The following MACROH2A2 variants were observed in gnomAD, a reference collection of about 807,000 sequenced individuals.
MACROH2A2 encodes macroH2A.2 histone.
In MACROH2A2, 6 loss-of-function variants were observed where a neutral mutation model predicts 37.6. The observed-to-expected ratio is 0.16, with a 90% CI of 0.09 to 0.32. The LOEUF (loss-of-function observed/expected upper bound fraction) is 0.32. MACROH2A2 is among the 10% of genes least tolerant of loss of function. The pLI is 1.00. For missense variants in MACROH2A2, 290 were observed against 485.9 expected (o/e 0.60, Z 3.79); for synonymous variants, 192 against 202.7 (o/e 0.95, Z 0.45).
chr10:70,108,889 T>G, intron 7 of MACROH2A2, 144 bp from the exon 8 acceptor site: 1 of 722,902 alleles, frequency 1.4e-6, no homozygotes, highest in Non-Finnish European at 2.4e-6. Context: ...TTAAACATAG[T>G]CCACATCAGG....
chr10:70,071,060 CGCGTGT>C (rs1234186193), intron 1 of MACROH2A2, among the ~76,000 whole-genome samples: 8 of 148,172 alleles, frequency 5.4e-5, no homozygotes, highest in Non-Finnish European at 8.9e-5. Context: ...TGTGTGGGCG[CGCGTGT>C]GCATGTGCAT....
intron 6 of MACROH2A2, chr10:70,098,836 G>A (rs2072291112): frequency 6.6e-6 from 1 of 152,364 alleles, no homozygotes; most frequent in African/African-American, 2.4e-5. Flanking sequence ...TTGCAAAGCT[G>A]TGGTATTCTC....
At chr10:70,078,515 C>T (rs1462956062) in intron 2 of MACROH2A2, among the ~76,000 whole-genome samples, 3 of 152,188 alleles carry the variant, frequency 2.0e-5, no homozygotes, top group African/African-American at 2.4e-5. Flanking sequence ...CGGTTCCAAT[C>T]GGGATGACTC....
chr10:70,105,024 A>AG (rs2072328300), intron 7 of MACROH2A2, among the ~76,000 whole-genome samples: 1 of 152,228 alleles, frequency 6.6e-6, no homozygotes, highest in South Asian at 2.1e-4. Flanking sequence ...AGTCAGTGAG[A>AG]GGCAGCGATG....
chr10:70,090,120 C>T lies in MACROH2A2; in HGVS notation c.233C>T (p.Pro78Leu). 6.2e-7 allele frequency: 1 copy of T among 1,613,916 alleles called. No individual in the cohort carries two copies. The highest frequency in any genetic ancestry group is 8.5e-7 in the Non-Finnish European group (1 of 1,179,788). Residue 78 changes from proline to leucine, a missense_variant, in exon 3 of 9, where the codon CCG becomes CTG. By Grantham distance (98) the Pro-to-Leu change is moderately conservative. Transcript: ENST00000373255. ...GACAACAAGAAGGCCCGGATAGCCCCGAGACACATCTTGCTGGCAGTTGCC... is the reference window on the plus strand; with the variant it reads ...GACAACAAGAAGGCCCGGATAGCCCTGAGACACATCTTGCTGGCAGTTGCC... Reference protein sequence around the residue: ...ARDNKKARIAPRHILLAVAND... With the variant: ...ARDNKKARIALRHILLAVAND...
intron 2 of MACROH2A2, among the ~76,000 whole-genome samples, chr10:70,086,368 T>C (rs114941124): frequency 4.4e-4 from 67 of 152,282 alleles, no homozygotes; most frequent in African/African-American, 1.6e-3. Flanking sequence ...TTATAGATTG[T>C]TTCAAAAGAG....
chr10:70,090,304 A>G (rs1034681510), intron 3 of MACROH2A2, 138 bp downstream of exon 3: 39 of 623,658 alleles, frequency 6.3e-5, no homozygotes, highest in Non-Finnish European at 9.9e-5. Context: ...ATATAAAAGA[A>G]CAAATTCTGC....
chr10:70,104,702 G>A (rs536994983), intron 7 of MACROH2A2, among the ~76,000 whole-genome samples: 5 of 152,198 alleles, frequency 3.3e-5, no homozygotes, highest in East Asian at 1.9e-4. Flanking sequence ...AATTTGAACC[G>A]CAAGCCAGTG....
rs913493753 is a variant in MACROH2A2 at position 70,064,702 on chromosome 10, AT to A, written c.-59-10891del. On this transcript the variant is annotated intron_variant, in intron 1 of 8. Coordinates refer to ENST00000373255, the MANE Select transcript of MACROH2A2 (RefSeq NM_018649.3). Reference sequence around the variant, plus strand: ...GGGTTTCTGCTTTTCCTTCCTCCTCATTTTTTTCTTGCTGCTGCCATGTAAG... The same window carrying A: ...GGGTTTCTGCTTTTCCTTCCTCCTCATTTTTTCTTGCTGCTGCCATGTAAG... 9.4e-4 allele frequency among the ~76,000 whole-genome samples: 142 copies of A among 151,442 alleles called. 2 individuals are homozygous for A. Among genetic ancestry groups the A allele is most frequent in the South Asian group, 1.7e-3 (8 of 4,780 alleles).
chr10:70,103,575 C>T (rs935710522), intron 7 of MACROH2A2, among the ~76,000 whole-genome samples: 1 of 152,116 alleles, frequency 6.6e-6, no homozygotes, highest in South Asian at 2.1e-4. Context: ...TTAAGGAGAT[C>T]GTAGCTGAGA....
chr10:70,072,649 C>T (rs1280010951), intron 1 of MACROH2A2, among the ~76,000 whole-genome samples: 2 of 152,112 alleles, frequency 1.3e-5, no homozygotes, highest in Admixed American at 1.3e-4. Flanking sequence ...AGGCATTGTG[C>T]TACACCGTTA....
intron 1 of MACROH2A2, among the ~76,000 whole-genome samples, chr10:70,070,739 T>G (rs2072104381): frequency 6.6e-6 from 1 of 152,166 alleles, no homozygotes; most frequent in African/African-American, 2.4e-5. Context: ...CCACCCACCT[T>G]AGCCTCCCAA....
chr10:70,069,226 T>C (rs1276744991), intron 1 of MACROH2A2, among the ~76,000 whole-genome samples: 1 of 152,206 alleles, frequency 6.6e-6, no homozygotes, highest in Non-Finnish European at 1.5e-5. Flanking sequence ...CAACAGAGTC[T>C]GAATACGCCC....
At chr10:70,066,752 G>A (rs147196213) in intron 1 of MACROH2A2, among the ~76,000 whole-genome samples, 1 of 152,090 alleles carries the variant, frequency 6.6e-6, no homozygotes, top group African/African-American at 2.4e-5. Context: ...CAATACTTGC[G>A]GCACTTTCAT....
intron 1 of MACROH2A2, among the ~76,000 whole-genome samples, chr10:70,057,091 C>A (rs1015345456): frequency 2.0e-5 from 3 of 152,066 alleles, no homozygotes; most frequent in African/African-American, 4.8e-5. Flanking sequence ...CAAAAGAGAC[C>A]TTTTGAAACA....
Position 70,093,821 on chromosome 10 carries a change from T to C in MACROH2A2, c.564T>C (p.Ser188=), listed in dbSNP as rs1156590466. The C allele has an allele frequency of 5.0e-6, 8 of 1,599,436 alleles. No homozygotes were observed. The highest frequency in any genetic ancestry group is 1.1e-5 in the South Asian group (1 of 90,774). ...GGGATGGATTCACCATTCTGTCTTC[T>C]AAGAGCCTTGTTCTGGGACAGAAGG... The part of the protein sequence containing the change: ...GPGDGFTILS[S]KSLVLGQKLS... Residue 188 remains serine (S), a synonymous_variant, in exon 5 of 9, where the codon TCT becomes TCC. Transcript: ENST00000373255.
Position 70,053,277 on chromosome 10 carries a change from A to G in MACROH2A2, c.-60+277A>G, listed in dbSNP as rs1372878402. Among the ~76,000 whole-genome samples, 1 of 151,902 alleles carries G rather than the reference A, an allele frequency of 6.6e-6. No homozygotes were observed. The highest frequency in any genetic ancestry group is 1.5e-5 in the Non-Finnish European group (1 of 67,962). On this transcript the variant is annotated intron_variant, in intron 1 of 8. Coordinates refer to ENST00000373255, the MANE Select transcript of MACROH2A2 (RefSeq NM_018649.3). This position sits in a 1 kb window ranked among gnomAD's most constrained non-coding sequence, Gnocchi z 4.8. Reference sequence around the variant, plus strand: ...GGCCGGGGGCGTCGAGGGTACTGAGAGGGGAAGGAGGAGGGATGCGAGGTT... The same window carrying G: ...GGCCGGGGGCGTCGAGGGTACTGAGGGGGGAAGGAGGAGGGATGCGAGGTT...
chr10:70,080,667 A>G (rs2072170673), intron 2 of MACROH2A2, among the ~76,000 whole-genome samples: 1 of 151,962 alleles, frequency 6.6e-6, no homozygotes, highest in African/African-American at 2.4e-5. Flanking sequence ...GGATCACCTG[A>G]GGTCAGGAGT....
At chr10:70,091,997 A>G (rs1250268180) in intron 4 of MACROH2A2, 43 bp downstream of exon 4, 1 of 1,436,676 alleles carries the variant, frequency 7.0e-7, no homozygotes, top group East Asian at 2.3e-5. Context: ...CTCCCACTGC[A>G]ATGGTCTGAA....
Sources: allele counts gnomAD v4.1 joint callset (sites outside exome capture counted in the v4.1 genomes callset), GRCh38; gene constraint gnomAD v4.1.1; non-coding constraint Gnocchi (gnomAD v3.1); transcripts MANE v1.5; gene names NCBI Gene and HGNC (gene_info 2026-07-23, HGNC 2026-07-21).